Variants in CHLSN observed in about 807,000 individuals in gnomAD.
CHLSN encodes the protein cholesin.
chr7:1,129,184 C>T, the CHLSN span, among the ~76,000 whole-genome samples: 1 of 25,036 alleles, frequency 4.0e-5, no homozygotes, highest in Non-Finnish European at 6.6e-5. Flanking sequence ...TGCAGTGGCG[C>T]GATCTCGGCT....
At chr7:1,115,827 G>A in the CHLSN span, among the ~76,000 whole-genome samples, 1 of 101,952 alleles carries the variant, frequency 9.8e-6, no homozygotes, top group African/African-American at 3.9e-5. Context: ...CAGCTCTAGG[G>A]ATGGCTTCCA....
the CHLSN span, among the ~76,000 whole-genome samples, chr7:1,136,274 TAA>T: frequency 8.7e-6 from 1 of 115,152 alleles, no homozygotes; most frequent in African/African-American, 3.6e-5. Context: ...TATAAATATA[TAA>T]AATATATATA....
At chr7:1,010,220 G>A in the CHLSN span, 1 of 1,383,176 alleles carries the variant, frequency 7.2e-7, no homozygotes, top group Non-Finnish European at 9.7e-7. Flanking sequence ...GGCTTCCCGA[G>A]CCCACCCTCA....
the CHLSN span, among the ~76,000 whole-genome samples, chr7:1,041,375 CA>C: frequency 0.012 from 792 of 67,618 alleles, 74 homozygotes; most frequent in South Asian, 0.07. Flanking sequence ...GTCCGCGCTG[CA>C]GGGGAACGGG....
the CHLSN span, among the ~76,000 whole-genome samples, chr7:1,079,676 G>T: frequency 6.6e-6 from 1 of 152,182 alleles, no homozygotes; most frequent in African/African-American, 2.4e-5. Flanking sequence ...GGGCCCCGTG[G>T]CAGGCAGGCC....
At chr7:1,127,370 T>C in the CHLSN span, 1 of 1,607,646 alleles carries the variant, frequency 6.2e-7, no homozygotes, top group Non-Finnish European at 8.5e-7. Flanking sequence ...GGAACTTTTC[T>C]CTTCTGTTTT....
At chr7:1,026,687 G>A in the CHLSN span, 1 of 152,306 alleles carries the variant, frequency 6.6e-6, no homozygotes, top group East Asian at 1.9e-4. Context: ...AAACGTATGG[G>A]AACCATGCAA....
chr7:1,051,557 T>C, the CHLSN span, among the ~76,000 whole-genome samples: 772 of 152,352 alleles, frequency 5.1e-3, 3 homozygotes, highest in Middle Eastern at 0.041. Context: ...GCCTTGAAGC[T>C]GTAAAGACCT....
the CHLSN span, among the ~76,000 whole-genome samples, chr7:979,938 G>A: frequency 6.6e-6 from 1 of 152,162 alleles, no homozygotes; most frequent in Admixed American, 6.5e-5. Flanking sequence ...TTTGATGTCT[G>A]GTGGATCTCT....
the CHLSN span, among the ~76,000 whole-genome samples, chr7:1,018,257 G>A: frequency 1.3e-5 from 2 of 151,844 alleles, no homozygotes; most frequent in East Asian, 3.9e-4. Flanking sequence ...ACAGGAACAG[G>A]GGGTTGCCCC....
At chr7:1,054,242 G>A in the CHLSN span, among the ~76,000 whole-genome samples, 5,261 of 152,324 alleles carry the variant, frequency 0.035, 115 homozygotes, top group Admixed American at 0.078. Flanking sequence ...CCTTCCAACC[G>A]GCGGAGAGTG....
the CHLSN span, among the ~76,000 whole-genome samples, chr7:1,039,467 G>A: frequency 1.4e-5 from 1 of 73,296 alleles, no homozygotes; most frequent in Non-Finnish European, 2.7e-5. Context: ...GGGAGGTGAG[G>A]GGCGCCTCTG....
chr7:1,081,280 G>GC, the CHLSN span, among the ~76,000 whole-genome samples: 1 of 152,224 alleles, frequency 6.6e-6, no homozygotes, highest in Non-Finnish European at 1.5e-5. Context: ...ACCTTGCCAG[G>GC]CTGGGATTTG....
the CHLSN span, chr7:1,093,381 G>A: frequency 6.4e-5 from 28 of 440,798 alleles, no homozygotes; most frequent in Middle Eastern, 4.3e-4. Flanking sequence ...GCGCACCGCC[G>A]AGTTAAAGAG....
the CHLSN span, chr7:1,082,258 G>A: frequency 1.3e-5 from 2 of 152,276 alleles, no homozygotes; most frequent in East Asian, 3.9e-4. Context: ...TCGGGTGCAG[G>A]TGGACGTCCC....
chr7:1,054,464 G>T, the CHLSN span, among the ~76,000 whole-genome samples: 7 of 152,238 alleles, frequency 4.6e-5, no homozygotes, highest in Admixed American at 1.3e-4. Flanking sequence ...GGTCCCGGCT[G>T]GGGTGACAGC....
the CHLSN span, among the ~76,000 whole-genome samples, chr7:1,067,143 C>T: frequency 1.4e-5 from 2 of 140,568 alleles, no homozygotes; most frequent in Admixed American, 7.2e-5. Context: ...GGGTTTGGGG[C>T]ACAGTCTGTT....
the CHLSN span, chr7:988,452 C>A: frequency 6.2e-7 from 1 of 1,610,852 alleles, no homozygotes; most frequent in East Asian, 2.2e-5. Flanking sequence ...TGGGGCGGCA[C>A]CTCCAGGGCT....
the CHLSN span, among the ~76,000 whole-genome samples, chr7:1,133,884 G>A: frequency 6.6e-6 from 1 of 152,086 alleles, no homozygotes; most frequent in Non-Finnish European, 1.5e-5. Context: ...ACAGCTCACT[G>A]CAGCCTCGAC....
Sources: gnomAD v4.1 joint callset for allele counts (sites outside exome capture counted in the v4.1 genomes callset) on GRCh38, gnomAD v4.1.1 for gene constraint, MANE v1.5 for transcripts, NCBI Gene and HGNC (gene_info 2026-07-23, HGNC 2026-07-21) for gene names.